Variants in CDH8 observed in about 807,000 individuals in gnomAD.
CDH8 encodes the protein cadherin 8, also known as cadherin-8.
Under a neutral mutation model 68.1 loss-of-function variants are expected in CDH8, and 17 were observed. That is an observed-to-expected ratio of 0.25 (90% confidence interval 0.17 to 0.37). CDH8 has a LOEUF of 0.37. CDH8 is among the 10% of genes least tolerant of loss of function. The pLI is 1.00. For synonymous variants in CDH8, 372 were observed against 365.1 expected, an observed-to-expected ratio of 1.02 and a Z score of -0.21; for missense variants, 763 against 999.3, an observed-to-expected ratio of 0.76 and a Z score of 3.19.
intron 2 of CDH8, among the ~76,000 whole-genome samples, chr16:62,013,231 C>T (rs1407747334): frequency 4.5e-5 from 1 of 22,062 alleles, no homozygotes; most frequent in Non-Finnish European, 9.5e-5. Context: ...GTCCGCAGTC[C>T]GGCCTGGGCG....
intron 10 of CDH8, among the ~76,000 whole-genome samples, chr16:61,665,520 GGA>G (rs1963648837): frequency 6.6e-6 from 1 of 151,796 alleles, no homozygotes; most frequent in African/African-American, 2.4e-5. Flanking sequence ...GGGGGCAAGG[GGA>G]GAGAGAGTGT....
chr16:62,027,294 C>T (rs1902218435), intron 1 of CDH8, among the ~76,000 whole-genome samples: 1 of 152,182 alleles, frequency 6.6e-6, no homozygotes, highest in Non-Finnish European at 1.5e-5. Flanking sequence ...CTGATTCCAA[C>T]ATTATTTTAA....
At chr16:61,807,815 G>T (rs115535679) in intron 7 of CDH8, among the ~76,000 whole-genome samples, 111 of 152,258 alleles carry the variant, frequency 7.3e-4, no homozygotes, top group African/African-American at 2.5e-3. Flanking sequence ...TACTAGTTTG[G>T]GCCAAGTTTT....
In CDH8 at chr16:61,647,965, G is replaced by C. The variant is rs1963241209; in HGVS notation, c.*5643C>G. 2 of 644,312 alleles carry C rather than the reference G, an allele frequency of 3.1e-6. No individual in the cohort carries two copies. The highest frequency in any genetic ancestry group is 2.3e-5 in the Admixed American group (1 of 42,924). 39.9% of individuals were successfully genotyped at this position (644,312 alleles called of 1,614,324 possible). On this transcript the variant is annotated 3_prime_UTR_variant, in exon 12 of 12. Transcript: ENST00000577390. ...GAAATAATACTTGCATTCAAGATGT[G>C]AATTAGATGGTGGCAGGTAACTCAA... is the stretch of plus-strand genomic sequence containing the variant.
At chr16:61,970,850 T>C (rs552108331) in intron 2 of CDH8, among the ~76,000 whole-genome samples, 12 of 152,356 alleles carry the variant, frequency 7.9e-5, no homozygotes, top group Admixed American at 7.8e-4. Flanking sequence ...TACATCCAGA[T>C]GGCCTAAAGT....
chr16:61,926,673 C>T (rs1597070854), intron 2 of CDH8, among the ~76,000 whole-genome samples: 1 of 152,178 alleles, frequency 6.6e-6, no homozygotes, highest in Non-Finnish European at 1.5e-5. Flanking sequence ...ACAGGAGGCA[C>T]TGTTAAAGGA....
intron 2 of CDH8, among the ~76,000 whole-genome samples, chr16:61,906,832 A>C (rs1316810249): frequency 1.3e-5 from 2 of 152,224 alleles, no homozygotes; most frequent in East Asian, 3.9e-4. Context: ...CTATAAATGC[A>C]AAGCCCTCGC....
At chr16:61,790,877 A>G (rs1961362627) in intron 7 of CDH8, among the ~76,000 whole-genome samples, 1 of 151,988 alleles carries the variant, frequency 6.6e-6, no homozygotes, top group Non-Finnish European at 1.5e-5. Flanking sequence ...ATAGGTATAG[A>G]TAGATATATT....
chr16:61,687,542 G>A lies in CDH8; in HGVS notation c.1654+26299C>T, dbSNP rs1480180701. 2.0e-5 allele frequency among the ~76,000 whole-genome samples: 3 copies of A among 151,920 alleles called. No homozygotes were observed. The South Asian group carries it at 6.2e-4, about 31-fold the overall frequency. On this transcript the variant is annotated intron_variant, in intron 10 of 11. Coordinates refer to ENST00000577390, the MANE Select transcript of CDH8 (RefSeq NM_001796.5). ...AGGTCTTGATGCCTGTCATGAAGAG[G>A]ATGCTATCAATTTAAATATACTACA... is the stretch of plus-strand genomic sequence containing the variant.
chr16:62,021,164 A>C lies in CDH8; in HGVS notation c.240T>G (p.Ile80Met). The stretch of plus-strand genomic sequence containing the variant: ...AAACAAAGCTTACCCGGCCAACAAG[A>C]ATCGGTTCAGGTCCAGAAAACTCTT... ...VLEEFSGPEP[I>M]LVGRLHTDLD... Residue 80 changes from isoleucine to methionine, a missense_variant, in exon 2 of 12, where the codon ATT becomes ATG. Physicochemically the swap from Ile to Met is conservative, Grantham distance 10. This residue lies in a region of CDH8 where 366 missense variants were observed against 563.1 expected (regional missense o/e 0.65). Transcript: ENST00000577390. The C allele has an allele frequency of 6.2e-7, 1 of 1,613,902 alleles. No homozygotes were observed. Among genetic ancestry groups the C allele is most frequent in the South Asian group, 1.1e-5 (1 of 91,062 alleles).
chr16:61,699,506 T>G (rs989916848), intron 10 of CDH8, among the ~76,000 whole-genome samples: 1 of 152,220 alleles, frequency 6.6e-6, no homozygotes, highest in African/African-American at 2.4e-5. Context: ...GTCTACACTT[T>G]AACTTCAGTG....
chr16:61,987,900 T>C (rs1965655225), intron 2 of CDH8, among the ~76,000 whole-genome samples: 2 of 152,180 alleles, frequency 1.3e-5, no homozygotes, highest in South Asian at 4.1e-4. Context: ...AATAGCCTTA[T>C]GAGGTACGTA....
chr16:61,787,211 C>T (rs1041176800), intron 8 of CDH8, among the ~76,000 whole-genome samples: 1 of 151,196 alleles, frequency 6.6e-6, no homozygotes, highest in African/African-American at 2.4e-5. Flanking sequence ...GGCTAATATC[C>T]GGAATCTACA....
chr16:61,958,254 G>T (rs111623539), intron 2 of CDH8, among the ~76,000 whole-genome samples: 2 of 152,258 alleles, frequency 1.3e-5, no homozygotes, highest in African/African-American at 4.8e-5. Flanking sequence ...CTAAATAAAA[G>T]AATGCTTGGA....
chr16:61,967,755 G>C (rs1031050643), intron 2 of CDH8, among the ~76,000 whole-genome samples: 21 of 152,272 alleles, frequency 1.4e-4, no homozygotes, highest in Middle Eastern at 3.4e-3. Context: ...TCAGATTAGG[G>C]ATGCTCAATC....
intron 10 of CDH8, among the ~76,000 whole-genome samples, chr16:61,661,186 A>G (rs1963550187): frequency 6.6e-6 from 1 of 152,030 alleles, no homozygotes; most frequent in African/African-American, 2.4e-5. Context: ...CTCACTTTCA[A>G]TAATAAATAA....
intron 2 of CDH8, among the ~76,000 whole-genome samples, chr16:61,905,526 G>A (rs1964047063): frequency 1.3e-5 from 2 of 151,970 alleles, no homozygotes; most frequent in South Asian, 4.1e-4. Flanking sequence ...TATATTCACA[G>A]CAAACTAAAG....
intron 2 of CDH8, among the ~76,000 whole-genome samples, chr16:61,930,001 G>A (rs927699875): frequency 6.6e-6 from 1 of 152,064 alleles, no homozygotes; most frequent in African/African-American, 2.4e-5. Flanking sequence ...TTTAACATAC[G>A]CAGAGTTTGT....
At chr16:61,859,994 C>G (rs938180578) in intron 3 of CDH8, among the ~76,000 whole-genome samples, 3 of 152,208 alleles carry the variant, frequency 2.0e-5, no homozygotes, top group East Asian at 1.9e-4. Context: ...ACAGTGTGCT[C>G]CACCATGCCC....
Sources: gnomAD v4.1 joint callset for allele counts (sites outside exome capture counted in the v4.1 genomes callset) on GRCh38, gnomAD v4.1.1 for gene constraint, gnomAD v4.1.1 regional missense constraint, MANE v1.5 for transcripts, NCBI Gene and HGNC (gene_info 2026-07-23, HGNC 2026-07-21) for gene names.